GPHN: variants seen among roughly 807,000 people sequenced by gnomAD.
GPHN encodes gephyrin.
In GPHN, 17 loss-of-function variants were observed where a neutral mutation model predicts 95.5. That is an observed-to-expected ratio of 0.18 (90% CI 0.12 to 0.27). GPHN has a LOEUF of 0.27. Among genes scored for constraint, GPHN ranks in the 10% least tolerant of loss-of-function variants. The pLI, the probability that GPHN is intolerant of heterozygous loss-of-function variation, is 1.00. For missense variants in GPHN, 660 were observed against 978.1 expected, an observed-to-expected ratio of 0.67 and a Z score of 4.34; for synonymous variants, 320 against 322.5, an observed-to-expected ratio of 0.99 and a Z score of 0.08.
chr14:66,913,780 C>T (rs1248615354), intron 5 of GPHN, among the ~76,000 whole-genome samples: 1 of 152,082 alleles, frequency 6.6e-6, no homozygotes, highest in East Asian at 1.9e-4. Flanking sequence ...TTCCATAATA[C>T]TTAGTACAGA....
the GPHN span, chr14:67,575,718 G>T: frequency 2.3e-6 from 2 of 864,462 alleles, no homozygotes; most frequent in Non-Finnish European, 3.7e-6. Context: ...CCTGTCATCG[G>T]TCCATATCCA....
chr14:67,405,224 C>CAAAAAAAAA, the GPHN span, among the ~76,000 whole-genome samples: 1 of 40,478 alleles, frequency 2.5e-5, no homozygotes, highest in East Asian at 6.8e-4. Flanking sequence ...GAGTCCATCT[C>CAAAAAAAAA]AAAAAAAAAA....
At chr14:66,830,716 T>C (rs2208070) in intron 4 of GPHN, among the ~76,000 whole-genome samples, 4,704 of 152,194 alleles carry the variant, frequency 0.031, 108 homozygotes, top group Non-Finnish European at 0.044. Context: ...CAAAGAAACC[T>C]GACTTAGGAA....
the GPHN span, among the ~76,000 whole-genome samples, chr14:67,438,392 A>T: frequency 6.6e-6 from 1 of 152,130 alleles, no homozygotes; most frequent in Non-Finnish European, 1.5e-5. Context: ...GCAAAATGGG[A>T]CACAATCCTT....
chr14:66,999,314 TCATC>T lies in GPHN; in HGVS notation c.964-24315_964-24312del, dbSNP rs551430708. ...AACGTTAGTAGTGTGTATTTTCACTTCATCCATTTACTTTGCTCAGGTTGATTAC... is the reference window on the plus strand; with the variant it reads ...AACGTTAGTAGTGTGTATTTTCACTTCATTTACTTTGCTCAGGTTGATTAC... On this transcript the variant is annotated intron_variant, in intron 9 of 22. Transcript: ENST00000478722. Among the ~76,000 whole-genome samples the T allele has an allele frequency of 5.5e-4, 83 of 152,052 alleles. 1 individual carries two copies. The highest frequency in any genetic ancestry group is 3.1e-3 in the Admixed American group (48 of 15,248).
chr14:67,473,493 A>G, the GPHN span: 2 of 1,614,166 alleles, frequency 1.2e-6, no homozygotes, highest in Non-Finnish European at 1.7e-6. The surrounding 1 kb of genome is among the most constrained non-coding windows in gnomAD (Gnocchi z 6.5). Flanking sequence ...GTCCTTGTCG[A>G]AGCGGAGGCG....
chr14:67,159,229 A>G (rs544050753), intron 18 of GPHN, among the ~76,000 whole-genome samples, 186 bp from the exon 19 acceptor site: 1 of 152,264 alleles, frequency 6.6e-6, no homozygotes, highest in South Asian at 2.1e-4. Context: ...TTAAGTAACT[A>G]TTTATTGAAT....
chr14:67,089,125 CTTTTTTTCTTTTTTTT>C (rs778672142), intron 12 of GPHN, 50 bp downstream of exon 12: 7,025 of 327,792 alleles, frequency 0.021, 44 homozygotes, highest in African/African-American at 0.087. Context: ...ATTTTTTTTT[CTTTTTTTCTTTTTTTT>C]TTTTTTTTTT....
At chr14:67,183,822 G>A (rs186078703), downstream of GPHN, among the ~76,000 whole-genome samples, 611 of 149,920 alleles carry the variant, frequency 4.1e-3, 4 homozygotes, top group Non-Finnish European at 7.5e-3. Flanking sequence ...GATTACAGGC[G>A]TGAGCCACCG....
the GPHN span, among the ~76,000 whole-genome samples, chr14:67,264,648 A>G: frequency 6.6e-6 from 1 of 152,220 alleles, no homozygotes; most frequent in Non-Finnish European, 1.5e-5. Context: ...TGAATATTTT[A>G]GGATCTAGAT....
the GPHN span, chr14:67,471,892 G>A: frequency 6.6e-6 from 1 of 152,264 alleles, no homozygotes; most frequent in African/African-American, 2.4e-5. Flanking sequence ...GAGTCCTAGT[G>A]TGGTCAAGAA....
the GPHN span, among the ~76,000 whole-genome samples, chr14:67,439,966 G>A: frequency 6.6e-6 from 1 of 152,080 alleles, no homozygotes; most frequent in Non-Finnish European, 1.5e-5. Flanking sequence ...AGCCTCCTGA[G>A]TAGCTGGGAC....
chr14:67,515,310 C>G, the GPHN span: 1 of 153,702 alleles, frequency 6.5e-6, no homozygotes, highest in Non-Finnish European at 1.4e-5. Context: ...CTGGCACTCC[C>G]GCGCCGCGCC....
intron 4 of GPHN, among the ~76,000 whole-genome samples, chr14:66,858,115 G>A (rs780222140): frequency 6.6e-6 from 1 of 152,060 alleles, no homozygotes; most frequent in Non-Finnish European, 1.5e-5. Context: ...CAATTCTTGG[G>A]CAAGTCCTAG....
chr14:66,518,127 C>G (rs1358381893), intron 1 of GPHN, among the ~76,000 whole-genome samples: 1 of 119,266 alleles, frequency 8.4e-6, no homozygotes, highest in Non-Finnish European at 1.7e-5. Flanking sequence ...ATAAATAACC[C>G]AGAAAAAAAC....
At chr14:67,359,227 G>T in the GPHN span, among the ~76,000 whole-genome samples, 1 of 152,160 alleles carries the variant, frequency 6.6e-6, no homozygotes, top group African/African-American at 2.4e-5. Context: ...TATATCCTCA[G>T]TAAACTTCCC....
At chr14:67,350,226 A>G in the GPHN span, among the ~76,000 whole-genome samples, 1 of 152,220 alleles carries the variant, frequency 6.6e-6, no homozygotes, top group Non-Finnish European at 1.5e-5. Context: ...ACAAAAATAC[A>G]TATGTGTAAA....
chr14:66,697,278 C>G (rs1186196006), intron 2 of GPHN, among the ~76,000 whole-genome samples: 1 of 152,146 alleles, frequency 6.6e-6, no homozygotes, highest in African/African-American at 2.4e-5. Context: ...ATGTGTTTGA[C>G]TACTCTGTAA....
chr14:67,204,649 T>C, the GPHN span: 2 of 1,613,898 alleles, frequency 1.2e-6, no homozygotes, highest in East Asian at 2.2e-5. Flanking sequence ...CACCTCTGCA[T>C]ATAAACAGGA....
Sources: allele counts gnomAD v4.1 joint callset (sites outside exome capture counted in the v4.1 genomes callset), GRCh38; gene constraint gnomAD v4.1.1; non-coding constraint Gnocchi (gnomAD v3.1); transcripts MANE v1.5; gene names NCBI Gene and HGNC (gene_info 2026-07-23, HGNC 2026-07-21).